Variants in OLFM2 observed in about 807,000 individuals in gnomAD.
OLFM2 encodes the protein noelin-2.
Under a neutral mutation model 43.9 loss-of-function variants are expected in OLFM2, and 20 were observed. The observed-to-expected ratio is 0.46, with a 90% CI of 0.32 to 0.66. The LOEUF (loss-of-function observed/expected upper bound fraction) is 0.66, where lower values mean the gene tolerates loss of function less well. Among genes scored for constraint, OLFM2 ranks in the 30% least tolerant of loss-of-function variants. The pLI, the probability that OLFM2 is intolerant of heterozygous loss-of-function variation, is 0.04. For missense variants in OLFM2, 416 were observed against 643.6 expected (o/e 0.65, Z 3.83); for synonymous variants, 268 against 278.6 (o/e 0.96, Z 0.38).
chr19:9,908,494 T>C (rs1423294042), intron 1 of OLFM2, among the ~76,000 whole-genome samples: 13 of 78,416 alleles, frequency 1.7e-4, no homozygotes, highest in East Asian at 4.0e-4. Flanking sequence ...TTTTTTTTTT[T>C]TGAGACAGAG....
chr19:9,883,432 G>C (rs1368154667), intron 1 of OLFM2, among the ~76,000 whole-genome samples: 1 of 151,952 alleles, frequency 6.6e-6, no homozygotes, highest in Non-Finnish European at 1.5e-5. Context: ...GGGTAGTGGC[G>C]GCCACCTGGG....
intron 1 of OLFM2, among the ~76,000 whole-genome samples, chr19:9,905,093 G>A (rs957951141): frequency 6.6e-6 from 1 of 152,058 alleles, no homozygotes; most frequent in Non-Finnish European, 1.5e-5. Context: ...AGGCCAAGGC[G>A]GGTGGACTGC....
chr19:9,895,334 A>T (rs2046674003), intron 1 of OLFM2, among the ~76,000 whole-genome samples: 1 of 151,848 alleles, frequency 6.6e-6, no homozygotes, highest in Non-Finnish European at 1.5e-5. Context: ...CCAAAAAAAA[A>T]ATTTTTTTTT....
At chr19:9,861,652 CA>C (rs1445450675) in intron 1 of OLFM2, among the ~76,000 whole-genome samples, 1 of 152,200 alleles carries the variant, frequency 6.6e-6, no homozygotes, top group East Asian at 1.9e-4. Context: ...GCTCTGTGGT[CA>C]AATAAATGTG....
At chr19:9,875,121 C>T (rs578110157) in intron 1 of OLFM2, among the ~76,000 whole-genome samples, 1 of 152,222 alleles carries the variant, frequency 6.6e-6, no homozygotes, top group African/African-American at 2.4e-5. Flanking sequence ...GAAATAAAAG[C>T]TTTTCTCCTT....
At position 9,916,540 on chromosome 19, in the gene OLFM2, A is replaced by T. The variant is rs147072049; in HGVS notation, c.63+19764T>A. On this transcript the variant is annotated intron_variant, in intron 1 of 5. Coordinates refer to ENST00000264833, the MANE Select transcript of OLFM2 (RefSeq NM_058164.4). ...AGAGGGACCCAGATCAGGGGAACCCAGCAGGGAAGTGGGGGCCCAGGTTTT... is the reference window on the plus strand; with the variant it reads ...AGAGGGACCCAGATCAGGGGAACCCTGCAGGGAAGTGGGGGCCCAGGTTTT... 3.9e-3 allele frequency among the ~76,000 whole-genome samples: 601 copies of T among 152,296 alleles called. 2 individuals carry two copies. The highest frequency in any genetic ancestry group is 5.6e-3 in the Non-Finnish European group (379 of 68,030).
intron 2 of OLFM2, among the ~76,000 whole-genome samples, chr19:9,858,542 C>A (rs953707469): frequency 6.6e-6 from 1 of 152,204 alleles, no homozygotes; most frequent in South Asian, 2.1e-4. Flanking sequence ...GCAGAGGCTG[C>A]GTCTAGCTTG....
At position 9,897,453 on chromosome 19, in the gene OLFM2, G is replaced by A. The variant is rs112753394; in HGVS notation, c.64-36659C>T. Reference sequence around the variant, plus strand: ...GTTGAGGCTGCCGTGAGCTGGGATCGCGCCACTGCACTCCAGCCTGGACGA... The same window carrying A: ...GTTGAGGCTGCCGTGAGCTGGGATCACGCCACTGCACTCCAGCCTGGACGA... On this transcript the variant is annotated intron_variant, in intron 1 of 5. Coordinates refer to ENST00000264833, the MANE Select transcript of OLFM2 (RefSeq NM_058164.4). Among the ~76,000 whole-genome samples, 1,393 of 152,154 alleles carry A rather than the reference G, an allele frequency of 9.2e-3. 22 individuals are homozygous for A. The highest frequency in any genetic ancestry group is 0.032 in the African/African-American group (1,333 of 41,514).
chr19:9,866,709 G>T (rs1441701102), intron 1 of OLFM2, among the ~76,000 whole-genome samples: 1 of 151,748 alleles, frequency 6.6e-6, no homozygotes, highest in Non-Finnish European at 1.5e-5. Flanking sequence ...TTCCTAGGCC[G>T]ATCTTGAACT....
chr19:9,922,204 C>T (rs993586991), intron 1 of OLFM2, among the ~76,000 whole-genome samples: 1 of 151,726 alleles, frequency 6.6e-6, no homozygotes, highest in African/African-American at 2.4e-5. Context: ...TCATTATGTC[C>T]AATAAAAATC....
At chr19:9,884,298 C>G (rs2046567067) in intron 1 of OLFM2, among the ~76,000 whole-genome samples, 1 of 142,560 alleles carries the variant, frequency 7.0e-6, no homozygotes, top group South Asian at 2.2e-4. Flanking sequence ...AAAAAAAAGC[C>G]CAGGCACAGT....
chr19:9,920,404 C>T (rs2086412269), intron 1 of OLFM2, among the ~76,000 whole-genome samples: 1 of 152,058 alleles, frequency 6.6e-6, no homozygotes, highest in Non-Finnish European at 1.5e-5. Flanking sequence ...CTTGCATCAC[C>T]CTGGTCCTGG....
chr19:9,866,175 C>T (rs568353631), intron 1 of OLFM2, among the ~76,000 whole-genome samples: 3 of 152,272 alleles, frequency 2.0e-5, no homozygotes, highest in African/African-American at 7.2e-5. Flanking sequence ...TGGGTTTTGG[C>T]TGCCAGATCG....
intron 1 of OLFM2, among the ~76,000 whole-genome samples, chr19:9,897,958 A>T (rs2046700710): frequency 6.6e-6 from 1 of 151,990 alleles, no homozygotes; most frequent in African/African-American, 2.4e-5. Context: ...GCTGGAGCAC[A>T]GTGGCGTGAT....
rs557455889 is a variant in OLFM2, at chr19:9,920,741, CAAAA to C, written c.63+15559_63+15562del. Among the ~76,000 whole-genome samples, 387 of 126,618 alleles carry C rather than the reference CAAAA, an allele frequency of 3.1e-3. 5 individuals carry two copies. Among genetic ancestry groups the C allele is most frequent in the African/African-American group, 0.011 (377 of 35,746 alleles). 83.1% of individuals were successfully genotyped at this position (126,618 alleles called of 152,430 possible). A position where few individuals can be genotyped will look rare whatever the true frequency, so the allele number is the denominator to read the frequency against. On this transcript the variant is annotated intron_variant, in intron 1 of 5. Transcript: ENST00000264833. ...CAAAACTCTGTGTCTACTAAACATA[CAAAA>C]AAAAAAAAAAAAGTAGCCAGGTGTG...
intron 1 of OLFM2, among the ~76,000 whole-genome samples, chr19:9,876,612 G>A (rs897543093): frequency 1.3e-5 from 2 of 152,162 alleles, no homozygotes; most frequent in Non-Finnish European, 2.9e-5. Flanking sequence ...TCAAAGAAAT[G>A]AGTCTCAAAT....
At chr19:9,887,271 C>T (rs1173109515) in intron 1 of OLFM2, among the ~76,000 whole-genome samples, 4 of 151,584 alleles carry the variant, frequency 2.6e-5, no homozygotes, top group South Asian at 2.1e-4. Flanking sequence ...CTCCACCTCC[C>T]GGGTTAAAGC....
intron 1 of OLFM2, among the ~76,000 whole-genome samples, chr19:9,871,267 T>A (rs1173352345): frequency 3.0e-5 from 3 of 98,986 alleles, no homozygotes; most frequent in Non-Finnish European, 6.1e-5. Context: ...CGAGATCCTG[T>A]CTAAAAAAAA....
chr19:9,911,407 G>C (rs1162479205), intron 1 of OLFM2, among the ~76,000 whole-genome samples: 1 of 152,124 alleles, frequency 6.6e-6, no homozygotes, highest in Non-Finnish European at 1.5e-5. Flanking sequence ...CTTTCAGCAG[G>C]TGAATTCATG....
Sources: allele counts gnomAD v4.1 joint callset (sites outside exome capture counted in the v4.1 genomes callset), GRCh38; gene constraint gnomAD v4.1.1; transcripts MANE v1.5; gene names NCBI Gene and HGNC (gene_info 2026-07-23, HGNC 2026-07-21).